ALG6: variants seen among roughly 807,000 people sequenced by gnomAD.
The protein encoded by ALG6 is dolichyl pyrophosphate Man9GlcNAc2 alpha-1,3-glucosyltransferase.
A neutral mutation model predicts 66.6 loss-of-function variants in ALG6; 46 were observed. The observed-to-expected ratio is 0.69, with a 90% CI of 0.55 to 0.88. ALG6 has a LOEUF of 0.88. Ranked by LOEUF, ALG6 falls within the 40% of genes least tolerant of loss-of-function variation. The probability of loss-of-function intolerance (pLI) is 0.00; values close to 1 mark genes in which losing one functional copy is unlikely to be tolerated. For synonymous variants in ALG6, 185 were observed against 203.7 expected, an observed-to-expected ratio of 0.91 and a Z score of 0.78; for missense variants, 505 against 586.8, an observed-to-expected ratio of 0.86 and a Z score of 1.44.
At chr1:63,373,125 G>C (rs72676139) in intron 2 of ALG6, among the ~76,000 whole-genome samples, 9,872 of 151,916 alleles carry the variant, frequency 0.065, 351 homozygotes, top group Non-Finnish European at 0.082. Context: ...TGCTGCCTCA[G>C]CCTACCAAGT....
chr1:63,392,194 C>T (rs1181035963), intron 2 of ALG6, among the ~76,000 whole-genome samples: 1 of 149,442 alleles, frequency 6.7e-6, no homozygotes, highest in African/African-American at 2.5e-5. Context: ...TTTCTTCAGA[C>T]AAGTCTTGCT....
At chr1:63,424,148 AT>A (rs933887023) in intron 12 of ALG6, among the ~76,000 whole-genome samples, 2 of 148,648 alleles carry the variant, frequency 1.3e-5, no homozygotes, top group Admixed American at 6.7e-5. Context: ...TCCTTTGCCT[AT>A]TTTTTTTTTG....
chr1:63,411,491 T>G (rs1364126280), intron 8 of ALG6, among the ~76,000 whole-genome samples, 160 bp downstream of exon 8: 1 of 152,220 alleles, frequency 6.6e-6, no homozygotes, highest in Admixed American at 6.5e-5. Context: ...AGTCATGTTC[T>G]GTATTTTATT....
intron 11 of ALG6, among the ~76,000 whole-genome samples, chr1:63,416,690 A>T (rs1644547552): frequency 6.6e-6 from 1 of 152,174 alleles, no homozygotes; most frequent in Non-Finnish European, 1.5e-5. Context: ...TTTTAGGAGG[A>T]TGACTTGTGT....
chr1:63,422,167 CTA>C (rs1337119566), intron 12 of ALG6, among the ~76,000 whole-genome samples: 830 of 67,286 alleles, frequency 0.012, 16 homozygotes, highest in African/African-American at 0.043. Flanking sequence ...ATATATATAA[CTA>C]TGAATTTATA....
intron 12 of ALG6, among the ~76,000 whole-genome samples, chr1:63,419,788 C>T (rs1213449818): frequency 1.3e-5 from 2 of 152,120 alleles, no homozygotes; most frequent in Non-Finnish European, 2.9e-5. Flanking sequence ...CACATCTATT[C>T]GGTAGCCTTC....
Position 63,416,034 on chromosome 1 carries a change from G to A in ALG6, c.987+77G>A, listed in dbSNP as rs771205941. ...AAAAATTATTTTCATGGTCTGCACAGGATTTATTGGGTTGGGAAACAAGAC... is the reference window on the plus strand; with the variant it reads ...AAAAATTATTTTCATGGTCTGCACAAGATTTATTGGGTTGGGAAACAAGAC... On this transcript the variant is annotated intron_variant, in intron 11 of 14. Coordinates refer to ENST00000263440, the MANE Select transcript of ALG6 (RefSeq NM_013339.4). The A allele has an allele frequency of 2.1e-4, 217 of 1,042,216 alleles. 1 individual carries two copies. Among genetic ancestry groups the A allele is most frequent in the Non-Finnish European group, 3.1e-4 (212 of 676,866 alleles). The allele number at this position is 1,042,216 out of a possible 1,614,324, so 64.6% of individuals were successfully genotyped here. A position where few individuals can be genotyped will look rare whatever the true frequency, so the allele number is the denominator to read the frequency against.
intron 14 of ALG6, among the ~76,000 whole-genome samples, chr1:63,435,384 G>A (rs1337079650): frequency 6.6e-6 from 1 of 152,028 alleles, no homozygotes; most frequent in Non-Finnish European, 1.5e-5. Context: ...TTCCTTTAAC[G>A]ACACTGGCAG....
intron 7 of ALG6, among the ~76,000 whole-genome samples, chr1:63,410,672 T>C (rs1189211909): frequency 1.3e-5 from 2 of 152,226 alleles, no homozygotes; most frequent in African/African-American, 4.8e-5. Context: ...TGTGATATTG[T>C]TTTAATTAAC....
intron 12 of ALG6, among the ~76,000 whole-genome samples, chr1:63,421,139 C>G (rs944360714): frequency 6.6e-6 from 1 of 151,344 alleles, no homozygotes; most frequent in Non-Finnish European, 1.5e-5. Flanking sequence ...ATTAGGAGTA[C>G]TGGAGGATGG....
At chr1:63,411,423 CT>C in intron 8 of ALG6, 92 bp downstream of exon 8, 14 of 1,208,980 alleles carry the variant, frequency 1.2e-5, no homozygotes, top group Non-Finnish European at 1.5e-5. Flanking sequence ...TTCACTTTGC[CT>C]TTTGGTGATT....
In ALG6 at chr1:63,437,468, A is replaced by T; in HGVS notation, c.*448A>T. ...TGGAAATCACTAATTTTGGTATTCA[A>T]ACTTACATTTTAGAATGCAAGTAGT... On this transcript the variant is annotated 3_prime_UTR_variant, in exon 15 of 15. Transcript: ENST00000263440. 1 of 174,474 alleles carries T rather than the reference A, an allele frequency of 5.7e-6. No homozygotes were observed. 10.8% of individuals were successfully genotyped at this position (174,474 alleles called of 1,614,324 possible). A position where few individuals can be genotyped will look rare whatever the true frequency, so the allele number is the denominator to read the frequency against.
chr1:63,406,233 CAATGTTGGAGG>C, intron 5 of ALG6, 73 bp from the exon 6 acceptor site: 1 of 1,208,166 alleles, frequency 8.3e-7, no homozygotes, highest in Non-Finnish European at 1.2e-6. Flanking sequence ...AATGAATTCT[CAATGTTGGAGG>C]AAGGGAGGCA....
intron 12 of ALG6, among the ~76,000 whole-genome samples, chr1:63,421,104 G>A (rs1317878626): frequency 1.3e-5 from 2 of 151,938 alleles, no homozygotes; most frequent in Non-Finnish European, 2.9e-5. Context: ...ATACCATGAT[G>A]GAGAAATAAA....
intron 2 of ALG6, among the ~76,000 whole-genome samples, chr1:63,392,092 T>C (rs1648689298): frequency 6.6e-6 from 1 of 152,220 alleles, no homozygotes; most frequent in Non-Finnish European, 1.5e-5. Flanking sequence ...TAGCACATCA[T>C]TACTAAAGTA....
chr1:63,375,902 A>G (rs1346092314), intron 2 of ALG6, among the ~76,000 whole-genome samples: 2 of 152,142 alleles, frequency 1.3e-5, no homozygotes, highest in African/African-American at 4.8e-5. Flanking sequence ...AATTATTCAT[A>G]ATGTTTTCTT....
intron 9 of ALG6, among the ~76,000 whole-genome samples, chr1:63,413,432 A>C (rs1261220051): frequency 6.6e-6 from 1 of 152,130 alleles, no homozygotes; most frequent in Non-Finnish European, 1.5e-5. Flanking sequence ...ATTTTCTTTG[A>C]TCCAGCAGAG....
At chr1:63,370,672 C>A (rs961669633) in intron 1 of ALG6, 99 bp from the exon 2 acceptor site, 2 of 343,304 alleles carry the variant, frequency 5.8e-6, no homozygotes, top group African/African-American at 4.3e-5. Context: ...TCCCACTACC[C>A]CTCCCCTCGA....
intron 2 of ALG6, among the ~76,000 whole-genome samples, chr1:63,388,609 T>G (rs72676142): frequency 0.046 from 7,066 of 152,280 alleles, 188 homozygotes; most frequent in African/African-American, 0.056. Context: ...TATGGGTAGT[T>G]TACAAACCTT....
Sources: gnomAD v4.1 joint callset for allele counts (sites outside exome capture counted in the v4.1 genomes callset) on GRCh38, gnomAD v4.1.1 for gene constraint, MANE v1.5 for transcripts, NCBI Gene and HGNC (gene_info 2026-07-23, HGNC 2026-07-21) for gene names.